EEPD1: variants seen among roughly 807,000 people sequenced by gnomAD.
EEPD1 encodes endonuclease/exonuclease/phosphatase family domain-containing protein 1.
EEPD1 carries 17 observed loss-of-function variants against 46.3 expected under a neutral mutation model. The ratio of observed to expected loss-of-function variants is 0.37; its 90% CI spans 0.25 to 0.55. The LOEUF (loss-of-function observed/expected upper bound fraction) is 0.55, where lower values mean the gene tolerates loss of function less well. Ranked by LOEUF, EEPD1 falls within the 20% of genes least tolerant of loss-of-function variation. EEPD1 has a pLI of 0.83. For missense variants in EEPD1, 673 were observed against 745.6 expected (o/e 0.90, Z 1.13); for synonymous variants, 313 against 315.6 (o/e 0.99, Z 0.09).
chr7:36,186,709 ATGAATGTGT>A (rs1330322613), intron 2 of EEPD1, among the ~76,000 whole-genome samples: 3 of 152,282 alleles, frequency 2.0e-5, no homozygotes, highest in Non-Finnish European at 4.4e-5. Context: ...CTAAGGCTGC[ATGAATGTGT>A]ACTCACGTGG....
At chr7:36,271,806 A>G (rs1458970362) in intron 3 of EEPD1, among the ~76,000 whole-genome samples, 12 of 14,096 alleles carry the variant, frequency 8.5e-4, no homozygotes, top group Non-Finnish European at 1.7e-3. Flanking sequence ...CTCCTATTCT[A>G]TTCTATTCTA....
In EEPD1 at chr7:36,284,740, G is replaced by T. The variant is rs1357318035; in HGVS notation, c.1096G>T (p.Asp366Tyr). 2 of 1,609,860 alleles carry T rather than the reference G, an allele frequency of 1.2e-6. No homozygotes were observed. Among genetic ancestry groups the T allele is most frequent in the Non-Finnish European group, 1.7e-6 (2 of 1,177,976 alleles). Reference protein sequence around the residue: ...WDAAAGMELRDAGSQESSPSN... With the variant: ...WDAAAGMELRYAGSQESSPSN... ...CGCGGCTGCCGGCATGGAGCTGAGA[G>T]ACGCGGGTTCACAGGAGAGCTCGCC... Residue 366 changes from aspartate (D) to tyrosine (Y), a missense_variant, in exon 5 of 8, where the codon GAC (aspartate) becomes TAC (tyrosine). Asp to Tyr is a radical substitution (Grantham distance 160). Coordinates refer to ENST00000242108, the MANE Select transcript of EEPD1 (RefSeq NM_030636.3).
In EEPD1 at chr7:36,221,434, C is replaced by A. The variant is rs114481556; in HGVS notation, c.879-17551C>A. Among the ~76,000 whole-genome samples the A allele has an allele frequency of 9.6e-3, 1,465 of 152,288 alleles. 17 individuals carry two copies. The highest frequency in any genetic ancestry group is 0.033 in the African/African-American group (1,379 of 41,542). On this transcript the variant is annotated intron_variant, in intron 2 of 7. Coordinates refer to ENST00000242108, the MANE Select transcript of EEPD1 (RefSeq NM_030636.3). ...AAAAGTTATAATATTCTTTGTACTT[C>A]TTTAAGAAGGATGAGCCTGGATTGA...
chr7:36,153,945 G>A (rs1358980159), intron 1 of EEPD1, among the ~76,000 whole-genome samples, 188 bp from the exon 2 acceptor site: 1 of 152,140 alleles, frequency 6.6e-6, no homozygotes, highest in Non-Finnish European at 1.5e-5. Flanking sequence ...GGACTCCAGT[G>A]TGATAAAACC....
chr7:36,210,934 G>A (rs1437981464), intron 2 of EEPD1, among the ~76,000 whole-genome samples: 2 of 152,172 alleles, frequency 1.3e-5, no homozygotes, highest in African/African-American at 4.8e-5. Context: ...GACCTGAGCT[G>A]CCTGCATTTG....
chr7:36,208,932 T>C (rs968040973), intron 2 of EEPD1, among the ~76,000 whole-genome samples: 11 of 152,188 alleles, frequency 7.2e-5, no homozygotes, highest in Non-Finnish European at 1.6e-4. Context: ...TTTAACAAGC[T>C]CCTGGGTGAT....
At chr7:36,278,867 C>A (rs1787219388) in intron 3 of EEPD1, among the ~76,000 whole-genome samples, 1 of 152,198 alleles carries the variant, frequency 6.6e-6, no homozygotes, top group African/African-American at 2.4e-5. Context: ...ACCCTCTCCG[C>A]CTTCCCCACT....
intron 2 of EEPD1, among the ~76,000 whole-genome samples, chr7:36,194,148 G>T (rs1331827717): frequency 1.3e-5 from 2 of 152,192 alleles, no homozygotes; most frequent in Non-Finnish European, 2.9e-5. Context: ...AGAGGATGTG[G>T]GTGTCTGCAG....
chr7:36,212,013 G>GA (rs1358552698), intron 2 of EEPD1, among the ~76,000 whole-genome samples: 1 of 151,454 alleles, frequency 6.6e-6, no homozygotes, highest in South Asian at 2.1e-4. Flanking sequence ...TCAAGTGACA[G>GA]AAAAAAATGT....
intron 2 of EEPD1, among the ~76,000 whole-genome samples, chr7:36,198,264 C>T (rs1485299068): frequency 2.1e-5 from 3 of 141,912 alleles, no homozygotes; most frequent in East Asian, 2.1e-4. Context: ...AAAGCCAGGA[C>T]GTTTTACTAA....
chr7:36,188,933 TTATTA>T (rs1420761273), intron 2 of EEPD1, among the ~76,000 whole-genome samples: 8 of 152,216 alleles, frequency 5.3e-5, no homozygotes, highest in Admixed American at 2.6e-4. Context: ...TGGGAATGCT[TTATTA>T]TAAGTTATTA....
At chr7:36,166,131 A>G (rs914217735) in intron 2 of EEPD1, among the ~76,000 whole-genome samples, 1 of 152,244 alleles carries the variant, frequency 6.6e-6, no homozygotes, top group Non-Finnish European at 1.5e-5. Flanking sequence ...TATTAAATAC[A>G]TGTCCACACA....
At chr7:36,256,115 TC>T (rs1242066087) in intron 3 of EEPD1, among the ~76,000 whole-genome samples, 1 of 152,210 alleles carries the variant, frequency 6.6e-6, no homozygotes, top group Non-Finnish European at 1.5e-5. Context: ...GTTGTTCAGT[TC>T]CCATGTAGCT....
rs115989595 is a variant in EEPD1, at chr7:36,201,802, A to G, written c.879-37183A>G. On this transcript the variant is annotated intron_variant, in intron 2 of 7. Transcript: ENST00000242108. ...AGGTGCATTTACTCCCAAGGTCTAG[A>G]AATCTGAGATGAGAAACTTTCTCTG... Among the ~76,000 whole-genome samples, 252 of 152,280 alleles carry G rather than the reference A, an allele frequency of 1.7e-3. 1 individual carries two copies. Among genetic ancestry groups the G allele is most frequent in the African/African-American group, 5.6e-3 (234 of 41,528 alleles).
intron 2 of EEPD1, chr7:36,228,689 TGATA>T (rs1461932481): frequency 6.6e-6 from 1 of 152,166 alleles, no homozygotes; most frequent in East Asian, 1.9e-4. Context: ...GATAGGATTG[TGATA>T]GATAGGAGGA....
chr7:36,266,003 T>C, intron 3 of EEPD1, among the ~76,000 whole-genome samples: 1 of 152,156 alleles, frequency 6.6e-6, no homozygotes, highest in African/African-American at 2.4e-5. Flanking sequence ...CCTTCCTTAC[T>C]GGCATGCATC....
chr7:36,279,513 C>T (rs539438549), intron 3 of EEPD1, among the ~76,000 whole-genome samples: 1 of 152,294 alleles, frequency 6.6e-6, no homozygotes, highest in African/African-American at 2.4e-5. Flanking sequence ...GGGGAAAGAC[C>T]AGACCTTTAG....
intron 3 of EEPD1, among the ~76,000 whole-genome samples, chr7:36,256,497 G>A (rs1786829924): frequency 6.6e-6 from 1 of 152,148 alleles, no homozygotes; most frequent in African/African-American, 2.4e-5. Context: ...TTGTAAATCT[G>A]GGTGCTCCCG....
Position 36,155,041 on chromosome 7 carries a change from C to G in EEPD1, c.717C>G (p.Thr239=), listed in dbSNP as rs753379189. 5 of 1,603,880 alleles carry G rather than the reference C, an allele frequency of 3.1e-6. No individual in the cohort carries two copies. The highest frequency in any genetic ancestry group is 1.3e-5 in the African/African-American group (1 of 74,776). The change falls in exon 2 of 8, where the codon ACC becomes ACG. Residue 239 remains threonine (T), a synonymous_variant. Coordinates refer to ENST00000242108, the MANE Select transcript of EEPD1 (RefSeq NM_030636.3). ...TGGACCTGCCGCCAGGGGGGCCCAC[C>G]CAGATTATCTCCACTCGGCCGTCCG... ...EDLDLPPGGP[T]QIISTRPSVE...
Sources: gnomAD v4.1 joint callset for allele counts (sites outside exome capture counted in the v4.1 genomes callset) on GRCh38, gnomAD v4.1.1 for gene constraint, MANE v1.5 for transcripts, NCBI Gene and HGNC (gene_info 2026-07-23, HGNC 2026-07-21) for gene names.